AP5B1: variants seen among roughly 807,000 people sequenced by gnomAD.
AP5B1 encodes the protein AP-5 complex subunit beta-1.
Under a neutral mutation model 5.7 loss-of-function variants are expected in AP5B1, and 3 were observed. The observed-to-expected ratio is 0.53, with a 90% CI of 0.24 to 1.36. AP5B1 has a LOEUF of 1.36. Ranked by LOEUF, AP5B1 falls within the 40% of genes most tolerant of loss-of-function variation. The pLI, the probability that AP5B1 is intolerant of heterozygous loss-of-function variation, is 0.17. For missense variants in AP5B1, 1,310 were observed against 1,143.2 expected (o/e 1.15, Z -2.10); for synonymous variants, 696 against 555.5 (o/e 1.25, Z -3.56).
In AP5B1 at chr11:65,777,808, T is replaced by C. The variant is rs915009381; in HGVS notation, c.*48A>G. On this transcript the variant is annotated 3_prime_UTR_variant, in exon 2 of 2. Coordinates refer to ENST00000532090, the MANE Select transcript of AP5B1 (RefSeq NM_138368.5). ...GCGACAGAGCTACAGGAGTGTGCCT[T>C]GGCCCCCACAAGGGCCACAGTCCTG... 10 of 1,457,028 alleles carry C rather than the reference T, an allele frequency of 6.9e-6. No homozygotes were observed. In the Admixed American group the frequency reaches 1.4e-4, roughly 20 times the overall value. The allele number at this position is 1,457,028 out of a possible 1,614,324, so 90.3% of individuals were successfully genotyped here. A position where few individuals can be genotyped will look rare whatever the true frequency, so the allele number is the denominator to read the frequency against.
rs1446722261 is a variant in AP5B1, at chr11:65,778,835, T to A, written c.1658A>T (p.Gln553Leu). ...MLAKVADGDA[Q>L]SATLNFLQAA... Reference sequence around the variant, plus strand: ...CTGTAGAAAGTTGAGGGTAGCACTCTGGGCATCTCCATCTGCCACCTTTGC... The same window carrying A: ...CTGTAGAAAGTTGAGGGTAGCACTCAGGGCATCTCCATCTGCCACCTTTGC... The change falls in exon 2 of 2, where the codon CAG becomes CTG. Residue 553 changes from glutamine (Q) to leucine (L), a missense_variant. Coordinates refer to ENST00000532090, the MANE Select transcript of AP5B1 (RefSeq NM_138368.5). 23 of 1,610,174 alleles carry A rather than the reference T, an allele frequency of 1.4e-5. No individual in the cohort carries two copies. The highest frequency in any genetic ancestry group is 1.9e-5 in the Non-Finnish European group (22 of 1,178,354).
Position 65,780,244 on chromosome 11 carries a change from G to A in AP5B1, c.249C>T (p.Val83=), listed in dbSNP as rs781544992. ...VAATSLLDTL[V]LLPPRPSALR... ...GAGCTGAGGGCCGCGGGGGTAGGAG[G>A]ACCAAGGTGTCCAACAGGGAGGTGG... The change falls in exon 2 of 2, where the codon GTC becomes GTT. Residue 83 remains valine, a synonymous_variant. Coordinates refer to ENST00000532090, the MANE Select transcript of AP5B1 (RefSeq NM_138368.5). The A allele has an allele frequency of 4.6e-6, 7 of 1,516,620 alleles. No homozygotes were observed. The highest frequency in any genetic ancestry group is 2.6e-5 in the South Asian group (2 of 78,000). 93.9% of individuals were successfully genotyped at this position (1,516,620 alleles called of 1,614,324 possible).
rs960069938 is a variant in AP5B1, at chr11:65,774,396, A to T, written c.*3460T>A. Among the ~76,000 whole-genome samples, 1 of 152,100 alleles carries T rather than the reference A, an allele frequency of 6.6e-6. No homozygotes were observed. The highest frequency in any genetic ancestry group is 6.5e-5 in the Admixed American group (1 of 15,270). On this transcript the variant is annotated 3_prime_UTR_variant, in exon 2 of 2. Coordinates refer to ENST00000532090, the MANE Select transcript of AP5B1 (RefSeq NM_138368.5). Reference sequence around the variant, plus strand: ...ACTGGCAATGACATATTTTGCCCCAAAACTGACCCCTTCACATTTCTTTTT... The same window carrying T: ...ACTGGCAATGACATATTTTGCCCCATAACTGACCCCTTCACATTTCTTTTT...
chr11:65,779,099 C>G lies in AP5B1; in HGVS notation c.1394G>C (p.Cys465Ser). The change falls in exon 2 of 2, where the codon TGC becomes TCC. Residue 465 changes from cysteine to serine, a missense_variant. Transcript: ENST00000532090. ...GGCCACCAGATACGAGGCCTGGAAG[C>G]AGAGAGTGGCCAAGGCCCGGGGGCC... ...DGGPRALATLCFQASYLVACC... is the reference protein window; with the variant it reads ...DGGPRALATLSFQASYLVACC... The G allele has an allele frequency of 6.2e-7, 1 of 1,609,004 alleles. No homozygotes were observed. Among genetic ancestry groups the G allele is most frequent in the East Asian group, 2.2e-5 (1 of 44,782 alleles).
Position 65,779,946 on chromosome 11 carries a change from G to A in AP5B1, c.547C>T (p.Gln183Ter). Residue 183 changes from glutamine (Q) to a stop codon, truncating the protein, a stop_gained, in exon 2 of 2, where the codon CAG becomes TAG. Coordinates refer to ENST00000532090, the MANE Select transcript of AP5B1 (RefSeq NM_138368.5). LOFTEE classifies it low-confidence loss of function (END_TRUNC). ...AGGGCCAGCAACAGGCTGAGTGGCT[G>A]GACAGGGCCTTCCTGCCCCAGCAGG... ...RGLLGQEGPV[Q>*]PLSLLLALAL... The A allele has an allele frequency of 2.5e-6, 4 of 1,590,844 alleles. No individual in the cohort carries two copies. The highest frequency in any genetic ancestry group is 3.4e-6 in the Non-Finnish European group (4 of 1,168,910).
Position 65,778,895 on chromosome 11 carries a change from C to T in AP5B1, c.1598G>A (p.Arg533Lys), listed in dbSNP as rs754274858. 6.2e-7 allele frequency: 1 copy of T among 1,611,322 alleles called. No individual in the cohort carries two copies. The highest frequency in any genetic ancestry group is 8.5e-7 in the Non-Finnish European group (1 of 1,178,978). The change falls in exon 2 of 2, where the codon AGG becomes AAG. Residue 533 changes from arginine (R) to lysine (K), a missense_variant. Arg to Lys is a conservative substitution (Grantham distance 26, BLOSUM62 2). Transcript: ENST00000532090. The part of the protein sequence containing the change: ...LRQVVVSRPG[R>K]DEALCWHLQM... ...CAGGTGCCAGCAAAGAGCTTCATCCCTGCCCGGCCTGGACACCACCACCTG... is the reference window on the plus strand; with the variant it reads ...CAGGTGCCAGCAAAGAGCTTCATCCTTGCCCGGCCTGGACACCACCACCTG...
rs1404347007 is a variant in AP5B1 at position 65,780,285 on chromosome 11, C to A, written c.208G>T (p.Ala70Ser). The A allele has an allele frequency of 1.3e-6, 2 of 1,501,150 alleles. No individual in the cohort carries two copies. Among genetic ancestry groups the A allele is most frequent in the East Asian group, 2.5e-5 (1 of 39,522 alleles). The allele number at this position is 1,501,150 out of a possible 1,614,324, so 93.0% of individuals were successfully genotyped here. Residue 70 changes from alanine (A) to serine (S), a missense_variant, in exon 2 of 2, where the codon GCG (alanine) becomes TCG (serine). Physicochemically the swap from Ala to Ser is moderately conservative, Grantham distance 99. Transcript: ENST00000532090. ...YPAQLWPDAS[A>S]AEVAATSLLD... ...AGGGAGGTGGCGGCCACTTCGGCCG[C>A]AGAGGCGTCGGGCCACAGCTGCGCA...
chr11:65,780,679 G>T lies in AP5B1; in HGVS notation c.-88C>A. The T allele has an allele frequency of 1.3e-5, 16 of 1,274,308 alleles. No homozygotes were observed. Among genetic ancestry groups the T allele is most frequent in the Non-Finnish European group, 1.6e-5 (16 of 1,003,642 alleles). 78.9% of individuals were successfully genotyped at this position (1,274,308 alleles called of 1,614,324 possible). A position where few individuals can be genotyped will look rare whatever the true frequency, so the allele number is the denominator to read the frequency against. On this transcript the variant is annotated 5_prime_UTR_variant, in exon 1 of 2. Coordinates refer to ENST00000532090, the MANE Select transcript of AP5B1 (RefSeq NM_138368.5). ...CGGGGCCCGCTGCCGACCCCGAGGG[G>T]CTGCGGTCACCCCCAGACGCCGCGC...
Position 65,779,318 on chromosome 11 carries a change from A to G in AP5B1, c.1175T>C (p.Leu392Pro), listed in dbSNP as rs781249768. ...ACCACGGCATAGCTGGGGCCCTAGCAGCAGTGGGGCAGCCTCCTCACCTTC... is the reference window on the plus strand; with the variant it reads ...ACCACGGCATAGCTGGGGCCCTAGCGGCAGTGGGGCAGCCTCCTCACCTTC... ...GPEGEEAAPL[L>P]LGPQLCRGLL... The change falls in exon 2 of 2, where the codon CTG (leucine) becomes CCG (proline). Residue 392 changes from leucine to proline, a missense_variant. Transcript: ENST00000532090. The G allele has an allele frequency of 6.3e-6, 10 of 1,598,534 alleles. No homozygotes were observed. The highest frequency in any genetic ancestry group is 6.8e-6 in the Non-Finnish European group (8 of 1,171,896).
In AP5B1 at chr11:65,779,510, A is replaced by C; in HGVS notation, c.983T>G (p.Leu328Arg). 1 of 1,605,190 alleles carries C rather than the reference A, an allele frequency of 6.2e-7. No homozygotes were observed. Among genetic ancestry groups the C allele is most frequent in the Non-Finnish European group, 8.5e-7 (1 of 1,176,862 alleles). Residue 328 changes from leucine (L) to arginine (R), a missense_variant, in exon 2 of 2, where the codon CTT (leucine) becomes CGT (arginine). Physicochemically the swap from Leu to Arg is moderately radical, Grantham distance 102. Coordinates refer to ENST00000532090, the MANE Select transcript of AP5B1 (RefSeq NM_138368.5). ...CTCACCAAAGGCCGCCTTGAGCGCA[A>C]GCATGGCGTGCAACAGTGTCAGCTG... ...TAQLTLLHAM[L>R]ALKAAFGEAL... is the part of the protein sequence containing the mutation.
At position 65,778,298 on chromosome 11, in the gene AP5B1, C is replaced by T; in HGVS notation, c.2195G>A (p.Cys732Tyr). The T allele has an allele frequency of 6.2e-7, 1 of 1,612,980 alleles. No homozygotes were observed. Among genetic ancestry groups the T allele is most frequent in the Non-Finnish European group, 8.5e-7 (1 of 1,179,882 alleles). Residue 732 changes from cysteine (C) to tyrosine (Y), a missense_variant, in exon 2 of 2, where the codon TGC becomes TAC. Cys to Tyr is a radical substitution (Grantham distance 194). Transcript: ENST00000532090. Reference protein sequence around the residue: ...RPLLLPLQPRCPAPARLDVHA... With the variant: ...RPLLLPLQPRYPAPARLDVHA... ...GACATCCAGCCGTGCGGGGGCCGGG[C>T]ATCGGGGCTGCAGAGGCAGGAGCAG...
chr11:65,779,144 T>G lies in AP5B1; in HGVS notation c.1349A>C (p.Gln450Pro), dbSNP rs1222580100. 6.2e-7 allele frequency: 1 copy of G among 1,610,408 alleles called. No individual in the cohort carries two copies. The highest frequency in any genetic ancestry group is 1.1e-5 in the South Asian group (1 of 90,702). Residue 450 changes from glutamine (Q) to proline (P), a missense_variant, in exon 2 of 2, where the codon CAG becomes CCG. Coordinates refer to ENST00000532090, the MANE Select transcript of AP5B1 (RefSeq NM_138368.5). ...YLEELLAGLR[Q>P]RAALDGGPRA... ...GGGGCCCCCATCCAGGGCTGCCCGC[T>G]GCCGCAAGCCAGCCAGCAGCTCTTC...
rs1175055201 is a variant in AP5B1 at position 65,780,037 on chromosome 11, C to A, written c.456G>T (p.Glu152Asp). The change falls in exon 2 of 2, where the codon GAG (glutamate) becomes GAT (aspartate). Residue 152 changes from glutamate to aspartate, a missense_variant. Transcript: ENST00000532090. ...TGCAGCTCTCTAGCTCTCGCAGGCA[C>A]TCGCAGGCCGTGGCCTGCAAGGGGC... ...EQRPLQATACECLRELESCKP... is the reference protein window; with the variant it reads ...EQRPLQATACDCLRELESCKP... The A allele has an allele frequency of 6.4e-7, 1 of 1,554,812 alleles. No homozygotes were observed. Among genetic ancestry groups the A allele is most frequent in the South Asian group, 1.2e-5 (1 of 85,002 alleles).
rs779703163 is a variant in AP5B1, at chr11:65,778,961, A to C, written c.1532T>G (p.Val511Gly). 1 of 1,612,678 alleles carries C rather than the reference A, an allele frequency of 6.2e-7. No individual in the cohort carries two copies. Among genetic ancestry groups the C allele is most frequent in the Non-Finnish European group, 8.5e-7 (1 of 1,179,788 alleles). The change falls in exon 2 of 2, where the codon GTG becomes GGG. Residue 511 changes from valine to glycine, a missense_variant. Val to Gly is a moderately radical substitution (Grantham distance 109). Transcript: ENST00000532090. ...CAGGGGCTCCCTCAGCTCAGAGTCC[A>C]CCTGATCCAAGAGGTCCACAAAGTG... ...APHFVDLLDQVDSELREPLKV... is the reference protein window; with the variant it reads ...APHFVDLLDQGDSELREPLKV...
rs1467233938 is a variant in AP5B1 at position 65,778,812 on chromosome 11, G to A, written c.1681C>T (p.Gln561Ter). 4 of 1,611,416 alleles carry A rather than the reference G, an allele frequency of 2.5e-6. No homozygotes were observed. The highest frequency in any genetic ancestry group is 2.2e-5 in the East Asian group (1 of 44,890). The stretch of plus-strand genomic sequence containing the variant: ...TTCGTGCAGTGGGCAGCCGCGGCCT[G>A]TAGAAAGTTGAGGGTAGCACTCTGG... ...DAQSATLNFL[Q>*]AAAAHCTNWD... Residue 561 changes from glutamine (Q) to a stop codon, truncating the protein, a stop_gained, in exon 2 of 2, where the codon CAG becomes TAG. Transcript: ENST00000532090. LOFTEE classifies it low-confidence loss of function (END_TRUNC).
rs1857820727 is a variant in AP5B1 at position 65,779,702 on chromosome 11, G to A, written c.791C>T (p.Ala264Val). 3 of 1,611,936 alleles carry A rather than the reference G, an allele frequency of 1.9e-6. No homozygotes were observed. The highest frequency in any genetic ancestry group is 2.5e-6 in the Non-Finnish European group (3 of 1,179,390). ...LTAREHSPEE[A>V]RELRAAVIQL... is the part of the protein sequence containing the mutation. ...GATCACCGCAGCCCGCAGCTCCCGC[G>A]CCTCCTCAGGGCTGTGCTCTCGTGC... The change falls in exon 2 of 2, where the codon GCG becomes GTG. Residue 264 changes from alanine (A) to valine (V), a missense_variant. Coordinates refer to ENST00000532090, the MANE Select transcript of AP5B1 (RefSeq NM_138368.5).
Position 65,780,200 on chromosome 11 carries a change from A to T in AP5B1, c.293T>A (p.Leu98Gln). 6.7e-7 allele frequency: 1 copy of T among 1,500,856 alleles called. No homozygotes were observed. Among genetic ancestry groups the T allele is most frequent in the Non-Finnish European group, 8.9e-7 (1 of 1,127,976 alleles). The allele number at this position is 1,500,856 out of a possible 1,614,324, so 93.0% of individuals were successfully genotyped here. A position where few individuals can be genotyped will look rare whatever the true frequency, so the allele number is the denominator to read the frequency against. Reference protein sequence around the residue: ...RPSALRRPLLLAATTALAAGG... With the variant: ...RPSALRRPLLQAATTALAAGG... Reference sequence around the variant, plus strand: ...CGCCGCCAGGGCAGTGGTGGCCGCCAGCAGCAGTGGCCGACGGAGAGCTGA... The same window carrying T: ...CGCCGCCAGGGCAGTGGTGGCCGCCTGCAGCAGTGGCCGACGGAGAGCTGA... The change falls in exon 2 of 2, where the codon CTG becomes CAG. Residue 98 changes from leucine to glutamine, a missense_variant. Coordinates refer to ENST00000532090, the MANE Select transcript of AP5B1 (RefSeq NM_138368.5).
chr11:65,778,825 G>A lies in AP5B1; in HGVS notation c.1668C>T (p.Thr556=), dbSNP rs745599615. The A allele has an allele frequency of 6.6e-5, 107 of 1,610,934 alleles. No homozygotes were observed. Among genetic ancestry groups the A allele is most frequent in the East Asian group, 1.3e-4 (6 of 44,874 alleles). Residue 556 remains threonine (T), a synonymous_variant, in exon 2 of 2, where the codon ACC becomes ACT. Transcript: ENST00000532090. The stretch of plus-strand genomic sequence containing the variant: ...CAGCCGCGGCCTGTAGAAAGTTGAG[G>A]GTAGCACTCTGGGCATCTCCATCTG... The part of the protein sequence containing the change: ...KVADGDAQSA[T]LNFLQAAAAH...
chr11:65,779,574 G>C lies in AP5B1; in HGVS notation c.919C>G (p.Leu307Val). 6.2e-7 allele frequency: 1 copy of C among 1,606,896 alleles called. No individual in the cohort carries two copies. The highest frequency in any genetic ancestry group is 8.5e-7 in the Non-Finnish European group (1 of 1,177,970). Residue 307 changes from leucine (L) to valine (V), a missense_variant, in exon 2 of 2, where the codon CTC becomes GTC. Leu to Val is a conservative substitution (Grantham distance 32). Transcript: ENST00000532090. ...AGCCGTACCAGCTGCGGCTTGAAGA[G>C]TGCCGGTGGCTGTCCCTGCAGACCC... ...LRGLQGQPPA[L>V]FKPQLVRLLG...
Sources: gnomAD v4.1 joint callset for allele counts (sites outside exome capture counted in the v4.1 genomes callset) on GRCh38, gnomAD v4.1.1 for gene constraint, MANE v1.5 for transcripts, NCBI Gene and HGNC (gene_info 2026-07-23, HGNC 2026-07-21) for gene names.